The following ATF7IP2 variants were observed in gnomAD, a reference collection of about 807,000 sequenced individuals.
The protein encoded by ATF7IP2 is activating transcription factor 7 interacting protein 2.
ATF7IP2 carries 42 observed loss-of-function variants against 64.2 expected under a neutral mutation model. That is an observed-to-expected ratio of 0.65 (90% CI 0.51 to 0.85). The LOEUF is 0.85. Ranked by LOEUF, ATF7IP2 falls within the 40% of genes least tolerant of loss-of-function variation. The probability of loss-of-function intolerance (pLI) is 0.00; values close to 1 mark genes in which losing one functional copy is unlikely to be tolerated. For missense variants in ATF7IP2, 933 were observed against 784.2 expected, an observed-to-expected ratio of 1.19 and a Z score of -2.27; for synonymous variants, 308 against 272.8, an observed-to-expected ratio of 1.13 and a Z score of -1.27.
At chr16:10,436,442 A>C (rs928841326) in intron 6 of ATF7IP2, among the ~76,000 whole-genome samples, 1 of 152,022 alleles carries the variant, frequency 6.6e-6, no homozygotes, top group Admixed American at 6.6e-5. Context: ...TCACATGTTT[A>C]AAAGTTATGA....
At chr16:10,458,912 G>A (rs374817624) in intron 9 of ATF7IP2, among the ~76,000 whole-genome samples, 45 of 152,258 alleles carry the variant, frequency 3.0e-4, no homozygotes, top group South Asian at 2.9e-3. Context: ...GTGGCTGGGC[G>A]CGGTGGCTCA....
At chr16:10,453,487 T>A (rs976702613) in intron 8 of ATF7IP2, among the ~76,000 whole-genome samples, 1 of 152,226 alleles carries the variant, frequency 6.6e-6, no homozygotes, top group Admixed American at 6.5e-5. Context: ...GCCTTCTGCA[T>A]CAATCTTACT....
intron 3 of ATF7IP2, among the ~76,000 whole-genome samples, chr16:10,423,794 C>T (rs537670283): frequency 1.2e-4 from 19 of 152,130 alleles, no homozygotes; most frequent in South Asian, 2.1e-4. Context: ...CAAGGTGGAA[C>T]GAGCCAGAGC....
At chr16:10,429,548 C>A (rs1171588471) in intron 4 of ATF7IP2, among the ~76,000 whole-genome samples, 1 of 151,926 alleles carries the variant, frequency 6.6e-6, no homozygotes, top group East Asian at 1.9e-4. Context: ...TGGCGTTTTG[C>A]CCTGTTGGCC....
chr16:10,429,730 A>ATTTTATTTAT (rs1555507615), intron 4 of ATF7IP2, among the ~76,000 whole-genome samples: 1 of 87,706 alleles, frequency 1.1e-5, no homozygotes, highest in Non-Finnish European at 2.5e-5. Context: ...ATTTTATTTT[A>ATTTTATTTAT]TTTATTTTAT....
intron 8 of ATF7IP2, chr16:10,448,777 C>G (rs1194083478): frequency 2.0e-5 from 3 of 152,120 alleles, no homozygotes; most frequent in Non-Finnish European, 1.5e-5. Context: ...GACTTCCTCT[C>G]TTCTTATTTG....
chr16:10,413,112 T>C (rs1268073700), intron 1 of ATF7IP2, among the ~76,000 whole-genome samples: 1 of 152,202 alleles, frequency 6.6e-6, no homozygotes, highest in Non-Finnish European at 1.5e-5. Context: ...TTCGTATCCA[T>C]TCTGCAAATT....
intron 8 of ATF7IP2, among the ~76,000 whole-genome samples, chr16:10,456,762 C>T (rs2142007997): frequency 6.6e-6 from 1 of 152,278 alleles, no homozygotes; most frequent in African/African-American, 2.4e-5. Context: ...CCCCCTAATC[C>T]TACCAGTATG....
At chr16:10,442,334 T>C (rs1371482536) in intron 8 of ATF7IP2, among the ~76,000 whole-genome samples, 1 of 152,252 alleles carries the variant, frequency 6.6e-6, no homozygotes, top group Non-Finnish European at 1.5e-5. Context: ...ATCTAACATG[T>C]CTTGACTTTG....
intron 1 of ATF7IP2, among the ~76,000 whole-genome samples, chr16:10,389,723 C>G (rs747530637): frequency 6.6e-6 from 1 of 152,190 alleles, no homozygotes; most frequent in East Asian, 1.9e-4. Flanking sequence ...TGGCAAGCAA[C>G]TGCTTTATTT....
intron 12 of ATF7IP2, among the ~76,000 whole-genome samples, chr16:10,479,853 T>G (rs533156174): frequency 1.3e-5 from 2 of 151,558 alleles, no homozygotes; most frequent in East Asian, 3.9e-4. Context: ...CTGGCGAGGA[T>G]GTGGAGAAAT....
chr16:10,461,999 C>G (rs1007180586), intron 9 of ATF7IP2, among the ~76,000 whole-genome samples: 4 of 151,994 alleles, frequency 2.6e-5, no homozygotes, highest in African/African-American at 4.8e-5. Context: ...GTATCTGTCT[C>G]TCTGTTATAG....
intron 8 of ATF7IP2, among the ~76,000 whole-genome samples, chr16:10,444,909 G>A (rs1459637504): frequency 1.3e-5 from 2 of 152,140 alleles, no homozygotes; most frequent in East Asian, 3.9e-4. Flanking sequence ...ATTTGAAAAG[G>A]GAATAGCTTC....
At chr16:10,457,287 G>A in intron 8 of ATF7IP2, 85 bp from the exon 9 acceptor site, 1 of 1,222,628 alleles carries the variant, frequency 8.2e-7, no homozygotes. Context: ...ATGTATGCAA[G>A]AATACTTTGA....
intron 1 of ATF7IP2, among the ~76,000 whole-genome samples, chr16:10,401,135 G>C (rs987679713): frequency 1.3e-5 from 2 of 152,030 alleles, no homozygotes; most frequent in Non-Finnish European, 2.9e-5. Context: ...TGCATCCTTG[G>C]TATAAAACCC....
chr16:10,388,943 C>T (rs1596408870), intron 1 of ATF7IP2, among the ~76,000 whole-genome samples: 1 of 150,826 alleles, frequency 6.6e-6, no homozygotes, highest in Non-Finnish European at 1.5e-5. Flanking sequence ...AGCCGGGAGG[C>T]GGAGCTTGCA....
chr16:10,447,478 T>C (rs1438174492), intron 8 of ATF7IP2: 3 of 151,920 alleles, frequency 2.0e-5, no homozygotes, highest in Non-Finnish European at 4.4e-5. Flanking sequence ...AAACGAACAC[T>C]CAAAAGACTT....
At chr16:10,473,893 G>GTTTTTTTT in intron 11 of ATF7IP2, 30 bp from the exon 12 acceptor site, 4 of 874,684 alleles carry the variant, frequency 4.6e-6, no homozygotes, top group East Asian at 3.4e-5. Context: ...TTGAGGCAAA[G>GTTTTTTTT]CTTTTTTTTT....
chr16:10,473,972 T>C lies in ATF7IP2; in HGVS notation c.1532T>C (p.Leu511Pro), dbSNP rs764078371. ...DSIIDLTKEG[L>P]SNCNTESPVS... ...ATAATTGATTTGACAAAAGAAGGCC[T>C]ATCCAACTGCAATACAGGTAAAAGG... The change falls in exon 12 of 14, where the codon CTA becomes CCA. Residue 511 changes from leucine to proline, a missense_variant. Transcript: ENST00000562102. The C allele has an allele frequency of 6.3e-7, 1 of 1,593,920 alleles. No homozygotes were observed. The highest frequency in any genetic ancestry group is 8.6e-7 in the Non-Finnish European group (1 of 1,167,122).
Sources: gnomAD v4.1 joint callset for allele counts (sites outside exome capture counted in the v4.1 genomes callset) on GRCh38, gnomAD v4.1.1 for gene constraint, MANE v1.5 for transcripts, NCBI Gene and HGNC (gene_info 2026-07-23, HGNC 2026-07-21) for gene names.